FBXW7: variants seen among roughly 807,000 people sequenced by gnomAD.
FBXW7 encodes the protein F-box/WD repeat-containing protein 7.
A neutral mutation model predicts 86.3 loss-of-function variants in FBXW7; 11 were observed. The ratio of observed to expected loss-of-function variants is 0.13; its 90% confidence interval spans 0.08 to 0.21. The LOEUF is 0.21. Among genes scored for constraint, FBXW7 ranks in the 10% least tolerant of loss-of-function variants. The pLI is 1.00. For synonymous variants in FBXW7, 313 were observed against 297.9 expected, an observed-to-expected ratio of 1.05 and a Z score of -0.52; for missense variants, 488 against 847.4, an observed-to-expected ratio of 0.58 and a Z score of 5.27.
chr4:152,359,027 A>C (rs1732672861), intron 4 of FBXW7, among the ~76,000 whole-genome samples: 1 of 152,216 alleles, frequency 6.6e-6, no homozygotes, highest in Non-Finnish European at 1.5e-5. Context: ...TTTTGCAAAA[A>C]GTATGTATGT....
At chr4:152,348,211 GTCT>G (rs34830432) in intron 5 of FBXW7, among the ~76,000 whole-genome samples, 62,175 of 151,554 alleles carry the variant, frequency 0.41, 15,794 homozygotes, top group Non-Finnish European at 0.57. Flanking sequence ...TTACAGAAAA[GTCT>G]TCTTATCTAC....
chr4:152,387,175 T>A (rs1735594302), intron 4 of FBXW7, among the ~76,000 whole-genome samples: 1 of 152,314 alleles, frequency 6.6e-6, no homozygotes, highest in Non-Finnish European at 1.5e-5. Flanking sequence ...CCTCAAAAAC[T>A]TTCACAGGAA....
At chr4:152,492,425 G>A (rs1745951468) in intron 2 of FBXW7, among the ~76,000 whole-genome samples, 2 of 152,100 alleles carry the variant, frequency 1.3e-5, no homozygotes, top group Admixed American at 6.6e-5. Context: ...GGATCCAAAG[G>A]TGTATGCTTA....
intron 2 of FBXW7, among the ~76,000 whole-genome samples, chr4:152,462,246 T>C (rs1198159260): frequency 6.6e-6 from 1 of 152,228 alleles, no homozygotes. Flanking sequence ...TTTTAACTCT[T>C]CTGTCAACAA....
At chr4:152,325,920 G>T in intron 12 of FBXW7, 86 bp downstream of exon 12, 1 of 1,107,722 alleles carries the variant, frequency 9.0e-7, no homozygotes, top group African/African-American at 1.5e-5. Context: ...GACTGTACTG[G>T]ATCAGCAATT....
At chr4:152,402,495 C>A (rs1737037023) in intron 4 of FBXW7, among the ~76,000 whole-genome samples, 1 of 152,152 alleles carries the variant, frequency 6.6e-6, no homozygotes, top group Non-Finnish European at 1.5e-5. Flanking sequence ...TTCATCACAG[C>A]CCACTCATCC....
In FBXW7 at chr4:152,328,382, C is replaced by T. The variant is rs2126516486; in HGVS notation, c.1244G>A (p.Arg415Lys). The T allele has an allele frequency of 6.6e-7, 1 of 1,511,664 alleles. No individual in the cohort carries two copies. Among genetic ancestry groups the T allele is most frequent in the Non-Finnish European group, 8.8e-7 (1 of 1,132,604 alleles). The allele number at this position is 1,511,664 out of a possible 1,614,324, so 93.6% of individuals were successfully genotyped here. The change falls in exon 11 of 14, where the codon AGA becomes AAA. Residue 415 changes from arginine to lysine, a missense_variant. By Grantham distance (26) the Arg-to-Lys change is conservative. Transcript: ENST00000281708. The part of the protein sequence containing the change: ...VWSAVTGKCL[R>K]TLVGHTGGVW... ...TCCACCTGTATGTCCCACTAATGTT[C>T]TCAGACACTGGAAAAACACTTAAGA...
chr4:152,498,272 G>A (rs1746561551), intron 2 of FBXW7, among the ~76,000 whole-genome samples: 1 of 143,438 alleles, frequency 7.0e-6, no homozygotes, highest in Non-Finnish European at 1.5e-5. Flanking sequence ...AAGCATGAGA[G>A]AAATAGAAGG....
intron 2 of FBXW7, among the ~76,000 whole-genome samples, chr4:152,472,269 A>G (rs1744033082): frequency 6.6e-6 from 1 of 152,206 alleles, no homozygotes; most frequent in Non-Finnish European, 1.5e-5. Flanking sequence ...GATAAACCCA[A>G]AGACTAAGTG....
chr4:152,332,804 GA>G, intron 7 of FBXW7, 85 bp from the exon 8 acceptor site: 1 of 630,894 alleles, frequency 1.6e-6, no homozygotes, highest in Non-Finnish European at 2.1e-6. Flanking sequence ...CACAGGATGA[GA>G]TACTTGATAA....
At chr4:152,516,938 G>C (rs1748547599) in intron 2 of FBXW7, among the ~76,000 whole-genome samples, 1 of 152,094 alleles carries the variant, frequency 6.6e-6, no homozygotes, top group Non-Finnish European at 1.5e-5. Flanking sequence ...CAATCCTCCT[G>C]CCTCAGCCTC....
Position 152,441,402 on chromosome 4 carries a change from AATCTTG to A in FBXW7, c.-119-28879_-119-28874del, listed in dbSNP as rs200609948. 9.7e-3 allele frequency among the ~76,000 whole-genome samples: 1,478 copies of A among 152,326 alleles called. 13 individuals carry two copies. Among genetic ancestry groups the A allele is most frequent in the Middle Eastern group, 0.041 (12 of 294 alleles). ...TTAAAGGTTCAATTTCTTTAATCTT[AATCTTG>A]TCTCTTTGTTAATATTCACCAGTAT... On this transcript the variant is annotated intron_variant, in intron 2 of 13. Coordinates refer to ENST00000281708, the MANE Select transcript of FBXW7 (RefSeq NM_001349798.2).
At chr4:152,508,667 G>GA (rs371871097) in intron 2 of FBXW7, among the ~76,000 whole-genome samples, 44 of 128,906 alleles carry the variant, frequency 3.4e-4, no homozygotes, top group Admixed American at 5.3e-4. Context: ...AAAAAAAAAA[G>GA]AAAAAAAAAA....
At chr4:152,368,677 G>A (rs571793092) in intron 4 of FBXW7, among the ~76,000 whole-genome samples, 3 of 152,114 alleles carry the variant, frequency 2.0e-5, no homozygotes, top group South Asian at 4.2e-4. Context: ...GGAAAATGGT[G>A]TCAGAACTTA....
chr4:152,332,158 G>GA (rs1254451926), intron 8 of FBXW7, among the ~76,000 whole-genome samples: 2 of 151,806 alleles, frequency 1.3e-5, no homozygotes, highest in Non-Finnish European at 2.9e-5. Flanking sequence ...CTCTACTAAG[G>GA]AAAAAAACAG....
rs566858018 is a variant in FBXW7, at chr4:152,347,079, A to G, written c.585-8T>C. ...GGTACAAGCCCAGTGGTACTACAAA[A>G]AAAAAAAAAAGAGAGAGAGAAAGGA... On this transcript the variant is annotated splice_polypyrimidine_tract_variant and splice_region_variant and intron_variant, in intron 5 of 13. Coordinates refer to ENST00000281708, the MANE Select transcript of FBXW7 (RefSeq NM_001349798.2). The G allele has an allele frequency of 5.1e-6, 8 of 1,568,922 alleles. 1 individual carries two copies. The South Asian group carries it at 9.5e-5, about 19-fold the overall frequency.
intron 4 of FBXW7, among the ~76,000 whole-genome samples, chr4:152,390,940 T>A (rs745546734): frequency 6.6e-6 from 1 of 151,990 alleles, no homozygotes; most frequent in Middle Eastern, 3.2e-3. Context: ...TAAAAATTTA[T>A]CTTATGAAAA....
chr4:152,330,629 T>C (rs1303665425), intron 9 of FBXW7, 103 bp downstream of exon 9: 1 of 964,758 alleles, frequency 1.0e-6, no homozygotes, highest in East Asian at 2.9e-5. Context: ...GTTTTCTTTC[T>C]ACAGAAGAGG....
At chr4:152,491,868 T>C (rs182467021) in intron 2 of FBXW7, among the ~76,000 whole-genome samples, 1 of 152,292 alleles carries the variant, frequency 6.6e-6, no homozygotes, top group Non-Finnish European at 1.5e-5. Context: ...ACTCAATTAT[T>C]TCTATAATTT....
Sources: allele counts gnomAD v4.1 joint callset (sites outside exome capture counted in the v4.1 genomes callset), GRCh38; gene constraint gnomAD v4.1.1; transcripts MANE v1.5; gene names NCBI Gene and HGNC (gene_info 2026-07-23, HGNC 2026-07-21).